The following SBF2 variants were observed in gnomAD, a reference collection of about 807,000 sequenced individuals.
SBF2 encodes the protein SET binding factor 2.
SBF2 carries 112 observed loss-of-function variants against 225.2 expected under a neutral mutation model. That is an observed-to-expected ratio of 0.50 (90% confidence interval 0.43 to 0.58). The LOEUF is 0.58. SBF2 is among the 20% of genes least tolerant of loss of function. The pLI is 0.00. For synonymous variants in SBF2, 763 were observed against 773.3 expected, an observed-to-expected ratio of 0.99 and a Z score of 0.22; for missense variants, 1,996 against 2,206.2, an observed-to-expected ratio of 0.90 and a Z score of 1.91.
At chr11:9,847,610 G>A (rs1856644015) in intron 22 of SBF2, among the ~76,000 whole-genome samples, 1 of 151,862 alleles carries the variant, frequency 6.6e-6, no homozygotes. Flanking sequence ...TTTAAAGTTT[G>A]TTTCGAAATA....
Position 9,942,919 on chromosome 11 carries a change from G to GAAAGAAAA in SBF2, c.1860+19037_1860+19038insTTTTCTTT, listed in dbSNP as rs1554962785. On this transcript the variant is annotated intron_variant, in intron 16 of 39. Coordinates refer to ENST00000256190, the MANE Select transcript of SBF2 (RefSeq NM_030962.4). ...AGAGAGAGAGAAAGAAAGAAAGAAA[G>GAAAGAAAA]AAAGAAAGAAAGAAAGAAAGAAGGA... is the stretch of plus-strand genomic sequence containing the variant. 5.3e-5 allele frequency among the ~76,000 whole-genome samples: 6 copies of GAAAGAAAA among 112,272 alleles called. No individual in the cohort carries two copies. In the East Asian group the frequency reaches 2.6e-3, roughly 48 times the overall value. 73.7% of individuals were successfully genotyped at this position (112,272 alleles called of 152,430 possible). A position where few individuals can be genotyped will look rare whatever the true frequency, so the allele number is the denominator to read the frequency against.
intron 26 of SBF2, among the ~76,000 whole-genome samples, chr11:9,832,997 T>C (rs923788944): frequency 6.6e-6 from 1 of 152,232 alleles, no homozygotes; most frequent in Non-Finnish European, 1.5e-5. Context: ...GAAATAAAGA[T>C]CGTAAGATTA....
chr11:9,928,588 C>T (rs1864242146), intron 16 of SBF2, among the ~76,000 whole-genome samples: 1 of 152,228 alleles, frequency 6.6e-6, no homozygotes, highest in African/African-American at 2.4e-5. Context: ...CCAGCCAATA[C>T]ACTCCTGTTA....
intron 29 of SBF2, among the ~76,000 whole-genome samples, chr11:9,813,339 T>G (rs183700788): frequency 4.9e-4 from 74 of 152,286 alleles, no homozygotes; most frequent in Admixed American, 1.8e-3. Flanking sequence ...TATTTTTTTG[T>G]TTTTTTGGGA....
intron 16 of SBF2, among the ~76,000 whole-genome samples, chr11:9,902,595 A>G (rs1050609985): frequency 3.3e-5 from 5 of 152,226 alleles, no homozygotes; most frequent in African/African-American, 9.6e-5. Flanking sequence ...TGATTTTTCA[A>G]TTAACAAGAA....
At chr11:9,887,956 G>A (rs891021964) in intron 17 of SBF2, among the ~76,000 whole-genome samples, 1 of 152,000 alleles carries the variant, frequency 6.6e-6, no homozygotes, top group African/African-American at 2.4e-5. Context: ...AATTAAAAGT[G>A]ATGACTTAGG....
chr11:9,991,500 A>G (rs1025322704), intron 12 of SBF2, among the ~76,000 whole-genome samples: 1 of 152,166 alleles, frequency 6.6e-6, no homozygotes, highest in Non-Finnish European at 1.5e-5. Context: ...CGATTCTCCA[A>G]TATCTTGGGT....
chr11:10,175,057 A>G (rs1452331948), intron 2 of SBF2, among the ~76,000 whole-genome samples: 1 of 152,170 alleles, frequency 6.6e-6, no homozygotes, highest in Admixed American at 6.5e-5. Flanking sequence ...CTGCAAAATC[A>G]TGCCAAAATG....
intron 1 of SBF2, among the ~76,000 whole-genome samples, chr11:10,264,741 C>T (rs1961798785): frequency 2.0e-5 from 3 of 151,708 alleles, no homozygotes; most frequent in Admixed American, 2.0e-4. Flanking sequence ...CCTAGCCCCC[C>T]ACCCCCCGAC....
chr11:9,860,569 G>T lies in SBF2; in HGVS notation c.1930-2173C>A, dbSNP rs140148406. Among the ~76,000 whole-genome samples, 781 of 152,146 alleles carry T rather than the reference G, an allele frequency of 5.1e-3. 6 individuals are homozygous for T. Among genetic ancestry groups the T allele is most frequent in the African/African-American group, 0.018 (747 of 41,488 alleles). On this transcript the variant is annotated intron_variant, in intron 17 of 39. Coordinates refer to ENST00000256190, the MANE Select transcript of SBF2 (RefSeq NM_030962.4). ...TGGTCTTGAACTCCTGGGCTCGAGT[G>T]ATCCACCTGCCTTGGCCTCCCAAAG... is the stretch of plus-strand genomic sequence containing the variant.
At chr11:10,100,346 G>T (rs1408985186) in intron 2 of SBF2, among the ~76,000 whole-genome samples, 1 of 152,212 alleles carries the variant, frequency 6.6e-6, no homozygotes, top group Non-Finnish European at 1.5e-5. Context: ...GTCTGGGATT[G>T]CCCTTGTGGC....
chr11:9,977,685 C>G (rs1256687988), intron 13 of SBF2, among the ~76,000 whole-genome samples: 1 of 152,134 alleles, frequency 6.6e-6, no homozygotes, highest in African/African-American at 2.4e-5. Flanking sequence ...ATCTTTGTTA[C>G]CAATGCTTAC....
intron 1 of SBF2, among the ~76,000 whole-genome samples, chr11:10,240,726 T>C (rs904235694): frequency 1.1e-4 from 16 of 152,342 alleles, no homozygotes; most frequent in African/African-American, 3.6e-4. Context: ...ATGATGTAAC[T>C]GGTTTGGGGT....
At position 10,031,143 on chromosome 11, in the gene SBF2, C is replaced by A; in HGVS notation, c.307G>T (p.Glu103Ter). The A allele has an allele frequency of 6.2e-7, 1 of 1,613,540 alleles. No individual in the cohort carries two copies. The highest frequency in any genetic ancestry group is 8.5e-7 in the Non-Finnish European group (1 of 1,179,666). Residue 103 changes from glutamate (E) to a stop codon, truncating the protein, a stop_gained, in exon 4 of 40, where the codon GAA becomes TAA. Coordinates refer to ENST00000256190, the MANE Select transcript of SBF2 (RefSeq NM_030962.4). LOFTEE classifies it high-confidence loss of function. ...QGTKKEEIEG[E>*]AKVSGLIQPA... The stretch of plus-strand genomic sequence containing the variant: ...TGAATTAAACCAGACACTTTTGCTT[C>A]ACCTTCAATCTCTTCCTTCTTTGTT...
intron 6 of SBF2, among the ~76,000 whole-genome samples, chr11:10,017,639 G>C (rs1390929309): frequency 6.6e-6 from 1 of 152,144 alleles, no homozygotes; most frequent in Admixed American, 6.6e-5. Flanking sequence ...AGTATTCTAA[G>C]TAAAAAAGTA....
At chr11:10,047,536 C>T (rs533162706) in intron 2 of SBF2, among the ~76,000 whole-genome samples, 25 of 152,266 alleles carry the variant, frequency 1.6e-4, no homozygotes, top group Middle Eastern at 3.4e-3. Context: ...ATCCAGTGGA[C>T]GTAAATGTTA....
chr11:9,934,041 C>T (rs1363731073), intron 16 of SBF2, among the ~76,000 whole-genome samples: 1 of 151,876 alleles, frequency 6.6e-6, no homozygotes, highest in Non-Finnish European at 1.5e-5. Flanking sequence ...GAGATTGTGC[C>T]ATGGCACTCT....
chr11:9,875,417 GT>G (rs1453317671), intron 17 of SBF2, among the ~76,000 whole-genome samples: 2 of 152,158 alleles, frequency 1.3e-5, no homozygotes, highest in Non-Finnish European at 2.9e-5. Flanking sequence ...TTAATGTCTA[GT>G]GGTTTGCTAT....
At chr11:9,969,263 T>G (rs1867168769) in intron 13 of SBF2, among the ~76,000 whole-genome samples, 1 of 152,224 alleles carries the variant, frequency 6.6e-6, no homozygotes. Flanking sequence ...TTCACAACAC[T>G]TTGGTTCAAG....
Sources: allele counts gnomAD v4.1 joint callset (sites outside exome capture counted in the v4.1 genomes callset), GRCh38; gene constraint gnomAD v4.1.1; transcripts MANE v1.5; gene names NCBI Gene and HGNC (gene_info 2026-07-23, HGNC 2026-07-21).